KIAA1217: variants seen among roughly 807,000 people sequenced by gnomAD.
KIAA1217 encodes the protein sickle tail protein homolog.
A neutral mutation model predicts 163.9 loss-of-function variants in KIAA1217; 88 were observed. That is an observed-to-expected ratio of 0.54 (90% confidence interval 0.45 to 0.64). KIAA1217 has a LOEUF of 0.64. Among genes scored for constraint, KIAA1217 ranks in the 30% least tolerant of loss-of-function variants. The pLI, the probability that KIAA1217 is intolerant of heterozygous loss-of-function variation, is 0.00. For missense variants in KIAA1217, 2,372 were observed against 2,475.0 expected (o/e 0.96, Z 0.88); for synonymous variants, 903 against 923.1 (o/e 0.98, Z 0.39).
chr10:23,987,623 GTA>G (rs36036811), intron 1 of KIAA1217, among the ~76,000 whole-genome samples: 38,353 of 101,326 alleles, frequency 0.38, 5,507 homozygotes, highest in African/African-American at 0.57. Flanking sequence ...GTGTGTGTGT[GTA>G]TGTGTACGTG....
At chr10:24,511,172 A>AAAAAAAAAAAAG (rs1554918365) in intron 9 of KIAA1217, among the ~76,000 whole-genome samples, 1,266 of 115,376 alleles carry the variant, frequency 0.011, 20 homozygotes, top group African/African-American at 0.021. Context: ...AAAAAAAAAA[A>AAAAAAAAAAAAG]AGGAGCCTGG....
At chr10:24,044,229 G>A (rs1848824653) in intron 2 of KIAA1217, among the ~76,000 whole-genome samples, 1 of 152,134 alleles carries the variant, frequency 6.6e-6, no homozygotes, top group Non-Finnish European at 1.5e-5. Context: ...ATCGGACTAT[G>A]AGTCTCTTTC....
At chr10:23,707,270 G>A (rs1836953021) in intron 1 of KIAA1217, among the ~76,000 whole-genome samples, 1 of 152,110 alleles carries the variant, frequency 6.6e-6, no homozygotes, top group Non-Finnish European at 1.5e-5. Context: ...CATACCCCAA[G>A]GCCCTGCTTT....
intron 1 of KIAA1217, among the ~76,000 whole-genome samples, chr10:23,789,978 T>A (rs1046341757): frequency 7.9e-6 from 1 of 126,104 alleles, no homozygotes; most frequent in African/African-American, 3.5e-5. Context: ...CATATACATA[T>A]ATACACATAT....
chr10:24,390,271 G>A lies in KIAA1217; in HGVS notation c.553+9204G>A, dbSNP rs547723527. ...TAGGTTGATGACTTCTGGAGGCTTG[G>A]CAGGGAGCTGTAAGTGTGGTTTTCA... On this transcript the variant is annotated intron_variant, in intron 3 of 20. Transcript: ENST00000376454. Among the ~76,000 whole-genome samples the A allele has an allele frequency of 3.3e-5, 5 of 152,232 alleles. No individual in the cohort carries two copies. In the East Asian group the frequency reaches 7.7e-4, roughly 23 times the overall value.
chr10:24,252,333 T>C (rs930623636), intron 2 of KIAA1217, among the ~76,000 whole-genome samples: 3 of 152,152 alleles, frequency 2.0e-5, no homozygotes, highest in Non-Finnish European at 4.4e-5. Flanking sequence ...ATTCCAGCAC[T>C]TTGGGAGGCC....
rs184148080 is a variant in KIAA1217 at position 23,730,145 on chromosome 10, C to T, written c.-321+34911C>T. Among the ~76,000 whole-genome samples the T allele has an allele frequency of 1.9e-3, 282 of 152,300 alleles. 1 individual carries two copies. Among genetic ancestry groups the T allele is most frequent in the Non-Finnish European group, 3.1e-3 (209 of 68,026 alleles). Reference sequence around the variant, plus strand: ...CTCAATCTCCTGACCTCGTGATCTGCCCGCCTCGGCCTCCCAAAGTGCTGG... The same window carrying T: ...CTCAATCTCCTGACCTCGTGATCTGTCCGCCTCGGCCTCCCAAAGTGCTGG... On this transcript the variant is annotated intron_variant, in intron 1 of 18. Transcript: ENST00000376462.
At chr10:23,951,034 T>C (rs12255036) in intron 1 of KIAA1217, among the ~76,000 whole-genome samples, 2,402 of 152,280 alleles carry the variant, frequency 0.016, 75 homozygotes, top group African/African-American at 0.055. Context: ...AATAGAATTA[T>C]GGTCTAGTAT....
At chr10:23,772,110 A>T (rs867091865) in intron 1 of KIAA1217, among the ~76,000 whole-genome samples, 16 of 152,230 alleles carry the variant, frequency 1.1e-4, no homozygotes, top group African/African-American at 2.9e-4. Flanking sequence ...AAATTTAAGA[A>T]AAGTAAAATA....
At chr10:24,410,871 T>C (rs1392279084) in intron 3 of KIAA1217, among the ~76,000 whole-genome samples, 3 of 152,162 alleles carry the variant, frequency 2.0e-5, no homozygotes, top group Non-Finnish European at 2.9e-5. Context: ...TAACTCTTTT[T>C]CCCCCCAAAG....
chr10:24,450,907 G>A (rs867397194), intron 5 of KIAA1217, among the ~76,000 whole-genome samples: 1 of 152,130 alleles, frequency 6.6e-6, no homozygotes, highest in African/African-American at 2.4e-5. Flanking sequence ...AAATATAGAT[G>A]ACTTATCTTG....
intron 1 of KIAA1217, among the ~76,000 whole-genome samples, chr10:23,954,703 G>C (rs1472053331): frequency 6.6e-6 from 1 of 152,102 alleles, no homozygotes; most frequent in East Asian, 1.9e-4. Flanking sequence ...TAGATTATCT[G>C]CTCTATGCTG....
At chr10:23,887,906 C>T (rs1841252574) in intron 1 of KIAA1217, among the ~76,000 whole-genome samples, 2 of 151,844 alleles carry the variant, frequency 1.3e-5, no homozygotes, top group Admixed American at 1.3e-4. Flanking sequence ...TATCCAGCTA[C>T]TGGCCAGTGC....
rs193232427 is a variant in KIAA1217 at position 24,436,103 on chromosome 10, T to C, written c.753-2283T>C. Among the ~76,000 whole-genome samples the C allele has an allele frequency of 4.0e-4, 61 of 152,180 alleles. 1 individual carries two copies. The highest frequency in any genetic ancestry group is 1.4e-3 in the African/African-American group (58 of 41,520). ...CTCGAACTCCTGACCTCAAGTGATC[T>C]GCCCACCTCGGCCTCCCAAAGTGCT... On this transcript the variant is annotated intron_variant, in intron 4 of 20. Transcript: ENST00000376454.
At chr10:23,983,277 C>T (rs1397408045) in intron 1 of KIAA1217, among the ~76,000 whole-genome samples, 1 of 152,064 alleles carries the variant, frequency 6.6e-6, no homozygotes, top group African/African-American at 2.4e-5. Context: ...ACAAGTAATC[C>T]AATTGTATTA....
At chr10:23,805,711 C>A (rs1313276456) in intron 1 of KIAA1217, among the ~76,000 whole-genome samples, 1 of 151,954 alleles carries the variant, frequency 6.6e-6, no homozygotes, top group African/African-American at 2.4e-5. Flanking sequence ...ATAGAAAGCA[C>A]TAACTATAAA....
chr10:24,302,234 G>A (rs1225430154), intron 2 of KIAA1217, among the ~76,000 whole-genome samples: 1 of 152,066 alleles, frequency 6.6e-6, no homozygotes, highest in Non-Finnish European at 1.5e-5. Context: ...CAAAACAAAG[G>A]GACTTGATCC....
Position 24,365,406 on chromosome 10 carries a change from C to T in KIAA1217, c.355-15463C>T, listed in dbSNP as rs571050993. ...ATTTTCTGTGCTTTTTTTTTGTCCC[C>T]CTTTTCCCTGTCCATAGCAGCTCTT... is the stretch of plus-strand genomic sequence containing the variant. On this transcript the variant is annotated intron_variant, in intron 2 of 20. Transcript: ENST00000376454. Among the ~76,000 whole-genome samples, 12 of 151,994 alleles carry T rather than the reference C, an allele frequency of 7.9e-5. No individual in the cohort carries two copies. In the South Asian group the frequency reaches 2.5e-3, roughly 32 times the overall value.
At chr10:23,973,322 C>A (rs1013922619) in intron 1 of KIAA1217, among the ~76,000 whole-genome samples, 1 of 152,148 alleles carries the variant, frequency 6.6e-6, no homozygotes, top group African/African-American at 2.4e-5. Flanking sequence ...ACTTATTCTG[C>A]CTTGCATCTA....
Sources: allele counts gnomAD v4.1 joint callset (sites outside exome capture counted in the v4.1 genomes callset), GRCh38; gene constraint gnomAD v4.1.1; transcripts MANE v1.5; gene names NCBI Gene and HGNC (gene_info 2026-07-23, HGNC 2026-07-21).